Variants in GMDS observed in about 807,000 individuals in gnomAD.
GMDS encodes GDP-mannose 4,6 dehydratase.
In GMDS, 20 loss-of-function variants were observed where a neutral mutation model predicts 49.9. The observed-to-expected ratio is 0.40, with a 90% CI of 0.28 to 0.58. GMDS has a LOEUF of 0.58. Ranked by LOEUF, GMDS falls within the 20% of genes least tolerant of loss-of-function variation. GMDS has a pLI of 0.42. For synonymous variants in GMDS, 177 were observed against 178.6 expected, an observed-to-expected ratio of 0.99 and a Z score of 0.07; for missense variants, 362 against 481.4, an observed-to-expected ratio of 0.75 and a Z score of 2.32.
chr6:1,842,493 GA>G (rs1480769111), intron 7 of GMDS, among the ~76,000 whole-genome samples: 1 of 152,214 alleles, frequency 6.6e-6, no homozygotes, highest in Non-Finnish European at 1.5e-5. Flanking sequence ...AAATGGAGAA[GA>G]ATGTGACTCC....
chr6:1,662,064 G>A (rs995171328), intron 9 of GMDS, among the ~76,000 whole-genome samples: 5 of 152,096 alleles, frequency 3.3e-5, no homozygotes, highest in African/African-American at 9.7e-5. Context: ...GGTGGAGAGA[G>A]AGGAACTGCG....
chr6:1,961,099 T>A, intron 4 of GMDS, 133 bp from the exon 5 acceptor site: 1 of 504,706 alleles, frequency 2.0e-6, no homozygotes, highest in South Asian at 4.5e-5. Flanking sequence ...AACAGCACAA[T>A]AAGAACGTGG....
chr6:1,737,075 G>A (rs944816609), intron 8 of GMDS, among the ~76,000 whole-genome samples: 12 of 152,230 alleles, frequency 7.9e-5, no homozygotes, highest in African/African-American at 2.9e-4. Context: ...CAAGGTGCAT[G>A]AGCACAAAAC....
intron 7 of GMDS, among the ~76,000 whole-genome samples, chr6:1,824,252 C>T (rs1460855607): frequency 6.6e-6 from 1 of 152,106 alleles, no homozygotes; most frequent in African/African-American, 2.4e-5. Context: ...CCAGGGGCTG[C>T]AATTCTTGTC....
intron 7 of GMDS, among the ~76,000 whole-genome samples, chr6:1,920,878 C>G (rs1202364988): frequency 6.6e-6 from 1 of 152,126 alleles, no homozygotes; most frequent in African/African-American, 2.4e-5. Flanking sequence ...TAAGTGTGAA[C>G]AGTTCTTTAG....
chr6:1,692,298 A>G (rs1222124049), intron 9 of GMDS, among the ~76,000 whole-genome samples: 2 of 152,168 alleles, frequency 1.3e-5, no homozygotes, highest in Non-Finnish European at 1.5e-5. Context: ...CAGACAGCCT[A>G]TGGTGGGACT....
chr6:1,969,951 A>G (rs539085332), intron 4 of GMDS, among the ~76,000 whole-genome samples: 75 of 152,260 alleles, frequency 4.9e-4, no homozygotes, highest in Non-Finnish European at 1.0e-3. Flanking sequence ...CAGGAATATT[A>G]CTTGAATAAA....
intron 9 of GMDS, chr6:1,626,210 CG>C (rs1190045978): frequency 2.0e-5 from 3 of 152,226 alleles, no homozygotes; most frequent in Non-Finnish European, 2.9e-5. Flanking sequence ...GTACACGCAG[CG>C]ACTCTCGCTG....
intron 7 of GMDS, among the ~76,000 whole-genome samples, chr6:1,783,165 G>A (rs1394481015): frequency 1.3e-5 from 2 of 152,092 alleles, no homozygotes; most frequent in Non-Finnish European, 2.9e-5. Flanking sequence ...AGAGAGGAGA[G>A]GAGAGGAGAG....
At chr6:1,813,505 C>T (rs956290253) in intron 7 of GMDS, among the ~76,000 whole-genome samples, 3 of 152,078 alleles carry the variant, frequency 2.0e-5, no homozygotes, top group Non-Finnish European at 4.4e-5. Context: ...CATTTGAAAA[C>T]TTTACATGAT....
At chr6:1,919,212 C>T (rs546431087) in intron 7 of GMDS, among the ~76,000 whole-genome samples, 1 of 152,310 alleles carries the variant, frequency 6.6e-6, no homozygotes, top group South Asian at 2.1e-4. Context: ...GAGAGACCGA[C>T]ATGAGATAGC....
intron 7 of GMDS, among the ~76,000 whole-genome samples, chr6:1,785,284 G>A (rs1436689154): frequency 1.3e-5 from 2 of 152,106 alleles, no homozygotes; most frequent in Non-Finnish European, 2.9e-5. Flanking sequence ...CTTCAGCATG[G>A]AATGTAAAAA....
intron 9 of GMDS, chr6:1,626,210 C>A (rs1489577763): frequency 6.6e-6 from 1 of 152,226 alleles, no homozygotes; most frequent in East Asian, 1.9e-4. Context: ...GTACACGCAG[C>A]GACTCTCGCT....
At chr6:1,805,431 TA>T (rs1196405331) in intron 7 of GMDS, among the ~76,000 whole-genome samples, 1 of 152,204 alleles carries the variant, frequency 6.6e-6, no homozygotes, top group Non-Finnish European at 1.5e-5. Flanking sequence ...ATAAGCATTC[TA>T]ACAGTACAGG....
intron 9 of GMDS, among the ~76,000 whole-genome samples, chr6:1,681,316 T>C (rs961662172): frequency 5.9e-5 from 9 of 152,178 alleles, no homozygotes; most frequent in African/African-American, 1.9e-4. Context: ...TTGGCTGCCA[T>C]GGGTGACATC....
At chr6:2,065,414 C>T (rs1446789371) in intron 4 of GMDS, among the ~76,000 whole-genome samples, 2 of 152,218 alleles carry the variant, frequency 1.3e-5, no homozygotes, top group Non-Finnish European at 1.5e-5. Context: ...TGGAACAAAG[C>T]TGGATGGAGA....
chr6:1,758,519 A>G (rs1768040474), intron 7 of GMDS, among the ~76,000 whole-genome samples: 1 of 152,196 alleles, frequency 6.6e-6, no homozygotes, highest in Admixed American at 6.5e-5. Context: ...GTGTTCTCAA[A>G]CGTTAGCGTG....
chr6:2,237,688 A>AT (rs1237600665), intron 1 of GMDS, among the ~76,000 whole-genome samples: 1 of 151,774 alleles, frequency 6.6e-6, no homozygotes, highest in Admixed American at 6.6e-5. Context: ...TGCCAGGCTA[A>AT]TTTTTGTATT....
chr6:1,772,777 C>T (rs928849677), intron 7 of GMDS, among the ~76,000 whole-genome samples: 1 of 152,232 alleles, frequency 6.6e-6, no homozygotes, highest in Non-Finnish European at 1.5e-5. Flanking sequence ...CTCAGGGTCG[C>T]TTCGCTTCCT....
Sources: allele counts gnomAD v4.1 joint callset (sites outside exome capture counted in the v4.1 genomes callset), GRCh38; gene constraint gnomAD v4.1.1; transcripts MANE v1.5; gene names NCBI Gene and HGNC (gene_info 2026-07-23, HGNC 2026-07-21).